DPYD: variants seen among roughly 807,000 people sequenced by gnomAD.
DPYD encodes dihydropyrimidine dehydrogenase.
In DPYD, 109 loss-of-function variants were observed where a neutral mutation model predicts 116.2. That is an observed-to-expected ratio of 0.94 (90% confidence interval 0.80 to 1.10). The LOEUF (loss-of-function observed/expected upper bound fraction) is 1.10. Among genes scored for constraint, DPYD ranks in the 50% least tolerant of loss-of-function variants. The pLI is 0.00. For missense variants in DPYD, 1,302 were observed against 1,254.5 expected (o/e 1.04, Z -0.57); for synonymous variants, 440 against 432.0 (o/e 1.02, Z -0.23).
chr1:97,216,367 C>T (rs569563262), intron 19 of DPYD, among the ~76,000 whole-genome samples: 1 of 152,234 alleles, frequency 6.6e-6, no homozygotes, highest in African/African-American at 2.4e-5. Flanking sequence ...GTTGAGTAGT[C>T]TGCAGTAAAA....
At chr1:97,639,277 A>T (rs945794510) in intron 8 of DPYD, among the ~76,000 whole-genome samples, 12 of 152,206 alleles carry the variant, frequency 7.9e-5, no homozygotes, top group Non-Finnish European at 1.5e-4. Flanking sequence ...ATATGTAAAC[A>T]GTTAATAAAT....
rs1651162700 is a variant in DPYD at position 97,549,615 on chromosome 1, A to C, written c.1469T>G (p.Val490Gly). 1.2e-6 allele frequency: 2 copies of C among 1,613,750 alleles called. No homozygotes were observed. Among genetic ancestry groups the C allele is most frequent in the Non-Finnish European group, 1.7e-6 (2 of 1,179,884 alleles). Residue 490 changes from valine to glycine, a missense_variant, in exon 12 of 23, where the codon GTG becomes GGG. Coordinates refer to ENST00000370192, the MANE Select transcript of DPYD (RefSeq NM_000110.4). ...GDVVGLANTT[V>G]ESVNDGKQAS... ...TTGCTTTCCATCATTCACCGATTCC[A>C]CTGTAGTGTTAGCCAAACCAACGAC... is the stretch of plus-strand genomic sequence containing the variant.
chr1:97,826,833 CT>C (rs982403854), intron 3 of DPYD, among the ~76,000 whole-genome samples: 1 of 151,766 alleles, frequency 6.6e-6, no homozygotes, highest in African/African-American at 2.4e-5. Context: ...ATTTTTCCCT[CT>C]TTTTTTTATT....
At chr1:97,432,152 T>C (rs773316849) in intron 14 of DPYD, among the ~76,000 whole-genome samples, 2 of 152,160 alleles carry the variant, frequency 1.3e-5, no homozygotes, top group Non-Finnish European at 2.9e-5. Flanking sequence ...CTATTGTGAA[T>C]AGTGCTGCAA....
At chr1:97,852,405 C>T (rs1326341852) in intron 2 of DPYD, among the ~76,000 whole-genome samples, 1 of 152,064 alleles carries the variant, frequency 6.6e-6, no homozygotes, top group Non-Finnish European at 1.5e-5. Context: ...GAGGACTAGA[C>T]AGTTGAAGTA....
chr1:97,163,754 C>T (rs1424263537), intron 20 of DPYD, among the ~76,000 whole-genome samples: 1 of 152,130 alleles, frequency 6.6e-6, no homozygotes, highest in Non-Finnish European at 1.5e-5. Flanking sequence ...GTTTGGAGCC[C>T]TCATGACTTA....
At chr1:97,207,229 C>A (rs753880245) in intron 19 of DPYD, among the ~76,000 whole-genome samples, 2 of 152,090 alleles carry the variant, frequency 1.3e-5, no homozygotes, top group Non-Finnish European at 2.9e-5. Flanking sequence ...TCCAATTATA[C>A]GAATATATCA....
At chr1:97,270,518 T>C (rs1305584291) in intron 18 of DPYD, among the ~76,000 whole-genome samples, 3 of 152,150 alleles carry the variant, frequency 2.0e-5, no homozygotes, top group Non-Finnish European at 4.4e-5. Context: ...CTCTAAAGGC[T>C]GTGAGAGGGT....
At chr1:97,448,598 T>C (rs1248584917) in intron 14 of DPYD, among the ~76,000 whole-genome samples, 3 of 151,336 alleles carry the variant, frequency 2.0e-5, no homozygotes, top group African/African-American at 7.3e-5. Flanking sequence ...AAACATATTA[T>C]TTCTTTTTAT....
intron 14 of DPYD, among the ~76,000 whole-genome samples, chr1:97,421,991 G>GT (rs1674612379): frequency 6.6e-6 from 1 of 152,114 alleles, no homozygotes; most frequent in Non-Finnish European, 1.5e-5. Flanking sequence ...TTGGAGTTCT[G>GT]TATTACAATA....
At chr1:97,458,635 C>A (rs1676840428) in intron 13 of DPYD, among the ~76,000 whole-genome samples, 1 of 152,100 alleles carries the variant, frequency 6.6e-6, no homozygotes, top group African/African-American at 2.4e-5. Context: ...GAAATCGCCA[C>A]ATAAATATAG....
intron 1 of DPYD, among the ~76,000 whole-genome samples, chr1:97,885,275 C>A: frequency 6.6e-6 from 1 of 151,910 alleles, no homozygotes; most frequent in East Asian, 1.9e-4. Flanking sequence ...CCACAGAGAA[C>A]TATCAAAAAG....
At chr1:97,132,816 T>C (rs1653438636) in intron 20 of DPYD, among the ~76,000 whole-genome samples, 2 of 152,136 alleles carry the variant, frequency 1.3e-5, no homozygotes, top group African/African-American at 4.8e-5. Context: ...AGAGAACTTC[T>C]ATATGCACAT....
intron 13 of DPYD, among the ~76,000 whole-genome samples, chr1:97,489,860 T>C (rs1242611517): frequency 1.3e-5 from 2 of 152,210 alleles, no homozygotes; most frequent in African/African-American, 2.4e-5. Context: ...TATTCATTAG[T>C]TATTCATTCA....
chr1:97,329,210 T>A (rs1668855601), intron 16 of DPYD, among the ~76,000 whole-genome samples: 1 of 152,182 alleles, frequency 6.6e-6, no homozygotes. Context: ...GATGTGGAAA[T>A]GCTACCAATT....
chr1:97,276,094 C>T (rs1664912621), intron 18 of DPYD, among the ~76,000 whole-genome samples: 2 of 152,058 alleles, frequency 1.3e-5, no homozygotes, highest in South Asian at 4.1e-4. Context: ...ACTTCAGGGT[C>T]AAATATCTAA....
chr1:97,617,693 A>G (rs763782216), intron 8 of DPYD, among the ~76,000 whole-genome samples: 6 of 152,130 alleles, frequency 3.9e-5, no homozygotes, highest in Non-Finnish European at 7.4e-5. Flanking sequence ...GGTGGAGTGC[A>G]TACCTGGGAA....
chr1:97,614,137 T>A (rs1005653023), intron 8 of DPYD, among the ~76,000 whole-genome samples: 19 of 152,036 alleles, frequency 1.2e-4, no homozygotes, highest in Non-Finnish European at 1.8e-4. Context: ...TTATTAAAAA[T>A]TTTTTAAAGT....
chr1:97,660,802 A>G (rs1004622565), intron 8 of DPYD, among the ~76,000 whole-genome samples: 1 of 152,276 alleles, frequency 6.6e-6, no homozygotes, highest in Non-Finnish European at 1.5e-5. Flanking sequence ...GGGAAAAAAA[A>G]TATCCTTTCA....
Sources: allele counts gnomAD v4.1 joint callset (sites outside exome capture counted in the v4.1 genomes callset), GRCh38; gene constraint gnomAD v4.1.1; transcripts MANE v1.5; gene names NCBI Gene and HGNC (gene_info 2026-07-23, HGNC 2026-07-21).